RAC2: variants seen among roughly 807,000 people sequenced by gnomAD.
RAC2 encodes Rac family small GTPase 2.
A neutral mutation model predicts 24.0 loss-of-function variants in RAC2; 1 was observed. The observed-to-expected ratio is 0.04, with a 90% CI of 0.01 to 0.20. The LOEUF (loss-of-function observed/expected upper bound fraction) is 0.20, where lower values mean the gene tolerates loss of function less well. RAC2 is among the 10% of genes least tolerant of loss of function. The pLI is 1.00. For synonymous variants in RAC2, 114 were observed against 106.8 expected (o/e 1.07, Z -0.41); for missense variants, 130 against 259.1 (o/e 0.50, Z 3.42).
rs974016365 is a variant in RAC2 at position 37,226,895 on chromosome 22, G to C, written c.449-92C>G. ...TCCTATGCCATACAACCCCTTCCAC[G>C]CCATACACCCCTCCCACGCCATACA... On this transcript the variant is annotated intron_variant, in intron 5 of 6. Coordinates refer to ENST00000249071, the MANE Select transcript of RAC2 (RefSeq NM_002872.5). The C allele has an allele frequency of 2.9e-4, 427 of 1,494,690 alleles. 1 individual carries two copies. Among genetic ancestry groups the C allele is most frequent in the Non-Finnish European group, 3.4e-4 (375 of 1,089,558 alleles). The allele number at this position is 1,494,690 out of a possible 1,614,324, so 92.6% of individuals were successfully genotyped here.
rs1330409324 is a variant in RAC2, at chr22:37,226,665, T to C, written c.*2+6A>G. ...GGAGTTGGGCACTAGAGTGGGGGAC[T>C]CTTACCCCTAGAGGAGGCTGCAGGC... On this transcript the variant is annotated splice_donor_region_variant and intron_variant, in intron 6 of 6. Transcript: ENST00000249071. 1.9e-6 allele frequency: 3 copies of C among 1,612,468 alleles called. No individual in the cohort carries two copies. Among genetic ancestry groups the C allele is most frequent in the Middle Eastern group, 1.7e-4 (1 of 6,010 alleles).
chr22:37,236,411 A>G (rs75182739), intron 2 of RAC2, among the ~76,000 whole-genome samples: 2,411 of 152,192 alleles, frequency 0.016, 53 homozygotes, highest in African/African-American at 0.055. Context: ...GGCAACCCTC[A>G]CCCCATTTTC....
chr22:37,231,414 C>G lies in RAC2; in HGVS notation c.289-24G>C, dbSNP rs1188383148. On this transcript the variant is annotated intron_variant, in intron 4 of 6. Transcript: ENST00000249071. This position sits in a 1 kb window ranked among gnomAD's most constrained non-coding sequence, Gnocchi z 5.5. ...CACTGGGCAGGTGGGTGGGGGGACA[C>G]AAGGTTGTATGGGTCAAGAGGGGGC... 6.2e-7 allele frequency: 1 copy of G among 1,613,026 alleles called. No individual in the cohort carries two copies. Among genetic ancestry groups the G allele is most frequent in the East Asian group, 2.2e-5 (1 of 44,878 alleles).
At chr22:37,240,311 C>T (rs2157206) in intron 2 of RAC2, among the ~76,000 whole-genome samples, 1 of 152,080 alleles carries the variant, frequency 6.6e-6, no homozygotes, top group African/African-American at 2.4e-5. Flanking sequence ...TGAGGGCCCC[C>T]GCGAGGTTCT....
At chr22:37,240,484 G>A (rs1351424870) in intron 2 of RAC2, among the ~76,000 whole-genome samples, 2 of 152,236 alleles carry the variant, frequency 1.3e-5, no homozygotes, top group Admixed American at 1.3e-4. Flanking sequence ...CTTGCGCAGG[G>A]GCCAGCATGT....
At chr22:37,226,592 C>T in intron 6 of RAC2, 79 bp downstream of exon 6, 2 of 1,570,046 alleles carry the variant, frequency 1.3e-6, no homozygotes, top group South Asian at 1.1e-5. Flanking sequence ...CTAAATGCCA[C>T]TCACAGTGAA....
In RAC2 at chr22:37,226,915, C is replaced by T. The variant is rs1383474948; in HGVS notation, c.449-112G>A. 25 of 1,350,456 alleles carry T rather than the reference C, an allele frequency of 1.9e-5. 1 individual carries two copies. The highest frequency in any genetic ancestry group is 1.7e-5 in the Non-Finnish European group (17 of 971,960). The allele number at this position is 1,350,456 out of a possible 1,614,324, so 83.7% of individuals were successfully genotyped here. Reference sequence around the variant, plus strand: ...TCCACGCCATACACCCCTCCCACGCCATACACCCCTCCCACGCCATACACC... The same window carrying T: ...TCCACGCCATACACCCCTCCCACGCTATACACCCCTCCCACGCCATACACC... On this transcript the variant is annotated intron_variant, in intron 5 of 6. Coordinates refer to ENST00000249071, the MANE Select transcript of RAC2 (RefSeq NM_002872.5).
intron 5 of RAC2, among the ~76,000 whole-genome samples, chr22:37,229,303 C>G (rs142272949): frequency 6.6e-6 from 1 of 151,888 alleles, no homozygotes; most frequent in Non-Finnish European, 1.5e-5. Context: ...GGTGAGGGGG[C>G]GGTGGGGGCA....
chr22:37,241,773 G>A lies in RAC2; in HGVS notation c.36-115C>T, dbSNP rs1927402832. ...GCATCCACCCAGCCTAGCCCTCTGG[G>A]CCTCCGTCTCCCCATGTGAGATGCC... On this transcript the variant is annotated intron_variant, in intron 1 of 6. Transcript: ENST00000249071. The A allele has an allele frequency of 3.1e-5, 28 of 902,986 alleles. No individual in the cohort carries two copies. The South Asian group carries it at 3.5e-4, about 11-fold the overall frequency. The allele number at this position is 902,986 out of a possible 1,614,324, so 55.9% of individuals were successfully genotyped here.
chr22:37,232,088 G>A (rs1349530163), intron 3 of RAC2, 94 bp from the exon 4 acceptor site: 1 of 1,291,136 alleles, frequency 7.7e-7, no homozygotes, highest in East Asian at 2.5e-5. Context: ...GCTCCCTGAG[G>A]GTGGAACACC....
chr22:37,233,240 C>T (rs927133745), intron 2 of RAC2, among the ~76,000 whole-genome samples: 5 of 152,094 alleles, frequency 3.3e-5, no homozygotes, highest in East Asian at 1.9e-4. Context: ...ACTTACCTCT[C>T]TCCCTATGCT....
intron 1 of RAC2, among the ~76,000 whole-genome samples, chr22:37,241,988 C>T (rs1302376638): frequency 2.0e-5 from 3 of 152,282 alleles, no homozygotes; most frequent in East Asian, 3.9e-4. Context: ...CAGGCAATGC[C>T]GAGGGGCCCC....
chr22:37,240,697 G>A, intron 2 of RAC2: 1 of 355,804 alleles, frequency 2.8e-6, no homozygotes, highest in Non-Finnish European at 5.3e-6. Context: ...CATAGTCATG[G>A]GAGAGATCAG....
Position 37,241,748 on chromosome 22 carries a change from G to A in RAC2, c.36-90C>T, listed in dbSNP as rs1927401634. ...TGCCTGGTCCTCTGCAAAGACCTCA[G>A]CATCCACCCAGCCTAGCCCTCTGGG... On this transcript the variant is annotated intron_variant, in intron 1 of 6. Coordinates refer to ENST00000249071, the MANE Select transcript of RAC2 (RefSeq NM_002872.5). The A allele has an allele frequency of 5.0e-6, 6 of 1,190,716 alleles. No individual in the cohort carries two copies. In the Admixed American group the frequency reaches 8.5e-5, roughly 17 times the overall value. 73.8% of individuals were successfully genotyped at this position (1,190,716 alleles called of 1,614,324 possible).
chr22:37,228,073 A>C (rs1179982325), intron 5 of RAC2, among the ~76,000 whole-genome samples: 1 of 152,132 alleles, frequency 6.6e-6, no homozygotes, highest in Non-Finnish European at 1.5e-5. Flanking sequence ...TGAAGCCCTC[A>C]GGGCCCCCTC....
Position 37,226,666 on chromosome 22 carries a change from C to G in RAC2, c.*2+5G>C. 5.0e-6 allele frequency: 8 copies of G among 1,612,532 alleles called. No individual in the cohort carries two copies. The highest frequency in any genetic ancestry group is 1.3e-5 in the African/African-American group (1 of 74,956). On this transcript the variant is annotated splice_donor_5th_base_variant and intron_variant, in intron 6 of 6. Coordinates refer to ENST00000249071, the MANE Select transcript of RAC2 (RefSeq NM_002872.5). ...GAGTTGGGCACTAGAGTGGGGGACT[C>G]TTACCCCTAGAGGAGGCTGCAGGCG...
At chr22:37,242,006 T>C (rs117160285) in intron 1 of RAC2, among the ~76,000 whole-genome samples, 1,815 of 152,330 alleles carry the variant, frequency 0.012, 22 homozygotes, top group Non-Finnish European at 0.019. Flanking sequence ...CCCCGACGCC[T>C]GACCTGGGCT....
At chr22:37,230,267 T>G (rs1262997873) in intron 5 of RAC2, among the ~76,000 whole-genome samples, 22 of 22,476 alleles carry the variant, frequency 9.8e-4, no homozygotes, top group African/African-American at 1.8e-3. Context: ...CAGGGGGAGG[T>G]GGGGCGGGGC....
intron 1 of RAC2, among the ~76,000 whole-genome samples, chr22:37,242,508 G>C (rs573802446): frequency 2.0e-5 from 3 of 152,254 alleles, no homozygotes; most frequent in Admixed American, 6.5e-5. Context: ...CTCAGCCGAA[G>C]CCCAGAGGCC....
Sources: allele counts gnomAD v4.1 joint callset (sites outside exome capture counted in the v4.1 genomes callset), GRCh38; gene constraint gnomAD v4.1.1; non-coding constraint Gnocchi (gnomAD v3.1); transcripts MANE v1.5; gene names NCBI Gene and HGNC (gene_info 2026-07-23, HGNC 2026-07-21).